Variants in SLIT3 observed in about 807,000 individuals in gnomAD.
The protein encoded by SLIT3 is slit homolog 3 protein.
A neutral mutation model predicts 184.0 loss-of-function variants in SLIT3; 68 were observed. The ratio of observed to expected loss-of-function variants is 0.37; its 90% confidence interval spans 0.30 to 0.45. The LOEUF (loss-of-function observed/expected upper bound fraction) is 0.45. Among genes scored for constraint, SLIT3 ranks in the 20% least tolerant of loss-of-function variants. The pLI is 1.00. For missense variants in SLIT3, 1,707 were observed against 2,026.0 expected, an observed-to-expected ratio of 0.84 and a Z score of 3.02; for synonymous variants, 831 against 828.6, an observed-to-expected ratio of 1.00 and a Z score of -0.05.
chr5:169,067,530 G>A (rs1356831002), intron 4 of SLIT3, among the ~76,000 whole-genome samples: 4 of 152,226 alleles, frequency 2.6e-5, no homozygotes, highest in African/African-American at 9.6e-5. Flanking sequence ...CTGAGAAGTG[G>A]ATGCTGCAAG....
chr5:169,244,811 A>C, intron 2 of SLIT3, 35 bp from the exon 3 acceptor site: 2 of 1,589,010 alleles, frequency 1.3e-6, no homozygotes, highest in East Asian at 2.2e-5. Context: ...CTAAGGACAA[A>C]GCTGGGCTCA....
rs114755585 is a variant in SLIT3 at position 169,074,336 on chromosome 5, A to T, written c.413+119143T>A. Among the ~76,000 whole-genome samples the T allele has an allele frequency of 9.0e-3, 1,377 of 152,242 alleles. 16 individuals carry two copies. Among genetic ancestry groups the T allele is most frequent in the African/African-American group, 0.031 (1,294 of 41,568 alleles). The stretch of plus-strand genomic sequence containing the variant: ...TTTTAACGCATTCCTTTTCTGCTTA[A>T]ATCAGCTAAGTCAGATTCTGTGGCT... On this transcript the variant is annotated intron_variant, in intron 4 of 35. Transcript: ENST00000519560.
intron 16 of SLIT3, among the ~76,000 whole-genome samples, chr5:168,759,028 A>C (rs2113495699): frequency 6.6e-6 from 1 of 152,278 alleles, no homozygotes; most frequent in Admixed American, 6.5e-5. Flanking sequence ...GTGTACATGA[A>C]ACACAAGTGA....
At chr5:168,749,762 C>A in intron 18 of SLIT3, 127 bp from the exon 19 acceptor site, 1 of 915,236 alleles carries the variant, frequency 1.1e-6, no homozygotes, top group Non-Finnish European at 1.7e-6. Flanking sequence ...GTAGGCTCTT[C>A]CCCAGATGCA....
chr5:169,140,949 A>G (rs565216465), intron 4 of SLIT3, among the ~76,000 whole-genome samples: 4 of 152,250 alleles, frequency 2.6e-5, no homozygotes, highest in African/African-American at 4.8e-5. Flanking sequence ...CTTGAATCCA[A>G]TCTCCATCTT....
intron 4 of SLIT3, among the ~76,000 whole-genome samples, chr5:169,173,262 A>T (rs1004517076): frequency 6.6e-6 from 1 of 152,332 alleles, no homozygotes; most frequent in Non-Finnish European, 1.5e-5. Context: ...ACGCCATCTC[A>T]AAAACAAAAA....
chr5:169,111,052 G>C (rs376413163), intron 4 of SLIT3, among the ~76,000 whole-genome samples: 1 of 152,132 alleles, frequency 6.6e-6, no homozygotes, highest in East Asian at 1.9e-4. Context: ...CAAACTGCCC[G>C]TGCATCCTTC....
At chr5:169,205,721 G>A (rs1764046368) in intron 3 of SLIT3, among the ~76,000 whole-genome samples, 1 of 152,222 alleles carries the variant, frequency 6.6e-6, no homozygotes, top group African/African-American at 2.4e-5. Flanking sequence ...GCTATAAGTT[G>A]CGTGCTGCTG....
At chr5:168,896,908 C>A (rs886977644) in intron 4 of SLIT3, among the ~76,000 whole-genome samples, 1 of 152,180 alleles carries the variant, frequency 6.6e-6, no homozygotes, top group Non-Finnish European at 1.5e-5. Context: ...TCAAAGCACC[C>A]TTCTGCCTTT....
chr5:168,973,638 T>C (rs1159237295), intron 4 of SLIT3, among the ~76,000 whole-genome samples: 3 of 152,234 alleles, frequency 2.0e-5, no homozygotes, highest in Admixed American at 6.5e-5. Flanking sequence ...GGTTTTAGTA[T>C]ATACACAGAT....
chr5:169,239,419 T>C (rs993217336), intron 3 of SLIT3, among the ~76,000 whole-genome samples: 4 of 152,144 alleles, frequency 2.6e-5, no homozygotes, highest in East Asian at 1.9e-4. Flanking sequence ...CTTAAAACTT[T>C]GTTAGAATTT....
intron 23 of SLIT3, chr5:168,720,903 GT>G (rs1162925378): frequency 5.9e-5 from 9 of 152,142 alleles, no homozygotes; most frequent in Non-Finnish European, 8.8e-5. Flanking sequence ...GTTGGGTGCT[GT>G]TTGTGGATTG....
intron 4 of SLIT3, among the ~76,000 whole-genome samples, chr5:168,905,500 T>C (rs1761018851): frequency 6.6e-6 from 1 of 152,234 alleles, no homozygotes. Flanking sequence ...GCAAGGAAAG[T>C]AGTGTGTGAC....
intron 4 of SLIT3, among the ~76,000 whole-genome samples, chr5:169,109,477 G>T (rs1490959165): frequency 2.6e-5 from 4 of 152,228 alleles, no homozygotes; most frequent in African/African-American, 7.2e-5. Context: ...ACCCTGAGCA[G>T]AAGATCCAAC....
chr5:168,700,128 A>T (rs976949602), intron 27 of SLIT3, among the ~76,000 whole-genome samples: 5 of 152,248 alleles, frequency 3.3e-5, no homozygotes, highest in African/African-American at 1.2e-4. Context: ...CCAGCACAGC[A>T]CGGGCACTGG....
At chr5:169,184,072 A>G (rs1763256191) in intron 4 of SLIT3, among the ~76,000 whole-genome samples, 1 of 152,248 alleles carries the variant, frequency 6.6e-6, no homozygotes, top group Admixed American at 6.5e-5. Flanking sequence ...GATAAATTGT[A>G]GGGAATTTAG....
intron 4 of SLIT3, among the ~76,000 whole-genome samples, chr5:169,162,166 C>T (rs1348632103): frequency 2.0e-5 from 3 of 152,082 alleles, no homozygotes; most frequent in African/African-American, 4.8e-5. Flanking sequence ...AGATGGGATT[C>T]GAATTTGGGT....
intron 5 of SLIT3, among the ~76,000 whole-genome samples, chr5:168,863,487 C>T (rs540828859): frequency 2.0e-4 from 30 of 152,318 alleles, no homozygotes; most frequent in African/African-American, 6.7e-4. Context: ...CCGTTGAATA[C>T]AAATAATTCC....
At chr5:168,807,247 G>A (rs1322463776) in intron 8 of SLIT3, among the ~76,000 whole-genome samples, 4 of 152,180 alleles carry the variant, frequency 2.6e-5, no homozygotes, top group Admixed American at 6.5e-5. Flanking sequence ...CAAAGTGACA[G>A]AAAGCCAAGC....
Sources: gnomAD v4.1 joint callset for allele counts (sites outside exome capture counted in the v4.1 genomes callset) on GRCh38, gnomAD v4.1.1 for gene constraint, MANE v1.5 for transcripts, NCBI Gene and HGNC (gene_info 2026-07-23, HGNC 2026-07-21) for gene names.